Variants in PCDHGB4 observed in about 807,000 individuals in gnomAD.
PCDHGB4 encodes the protein protocadherin gamma-B4.
A neutral mutation model predicts 60.5 loss-of-function variants in PCDHGB4; 38 were observed. The observed-to-expected ratio is 0.63, with a 90% CI of 0.48 to 0.82. PCDHGB4 has a LOEUF of 0.82. Among genes scored for constraint, PCDHGB4 ranks in the 40% least tolerant of loss-of-function variants. The pLI is 0.00. For missense variants in PCDHGB4, 1,109 were observed against 1,209.6 expected, an observed-to-expected ratio of 0.92 and a Z score of 1.23; for synonymous variants, 456 against 509.7, an observed-to-expected ratio of 0.89 and a Z score of 1.42.
chr5:141,470,016 C>T (rs116065751), intron 1 of PCDHGB4, among the ~76,000 whole-genome samples: 69 of 152,264 alleles, frequency 4.5e-4, no homozygotes, highest in Non-Finnish European at 7.2e-4. Flanking sequence ...GTAATCCCAG[C>T]TACTCGGGAT....
chr5:141,491,014 G>A lies in PCDHGB4; in HGVS notation c.2398-3793G>A, dbSNP rs761902295. On this transcript the variant is annotated intron_variant, in intron 1 of 3. Transcript: ENST00000519479. This position sits in a 1 kb window ranked among gnomAD's most constrained non-coding sequence, Gnocchi z 6.9. ...TCCTCCTGGCTCCTTGGTCACCAAG[G>A]TGACAGCCGTGGATGCTGATGCAGG... 6 of 1,614,134 alleles carry A rather than the reference G, an allele frequency of 3.7e-6. No individual in the cohort carries two copies. Among genetic ancestry groups the A allele is most frequent in the Non-Finnish European group, 4.2e-6 (5 of 1,180,044 alleles).
intron 1 of PCDHGB4, chr5:141,394,779 G>A (rs1561651112): frequency 6.2e-7 from 1 of 1,613,590 alleles, no homozygotes; most frequent in Admixed American, 1.7e-5. Context: ...CCCTCTCTCC[G>A]CCACTGTCAC....
intron 1 of PCDHGB4, among the ~76,000 whole-genome samples, chr5:141,444,152 ATTTTTTTTTTTTTTT>A (rs747671382): frequency 3.8e-4 from 13 of 33,894 alleles, no homozygotes; most frequent in East Asian, 1.0e-3. Context: ...TGTGTACTGG[ATTTTTTTTTTTTTTT>A]TTTTTTTTTT....
At chr5:141,394,639 T>C (rs2150578020) in intron 1 of PCDHGB4, 2 of 1,611,968 alleles carry the variant, frequency 1.2e-6, no homozygotes, top group Middle Eastern at 1.7e-4. Flanking sequence ...TACCGCCTGC[T>C]CAAGGCCAGC....
intron 1 of PCDHGB4, chr5:141,410,848 T>TA: frequency 1.9e-5 from 7 of 365,918 alleles, no homozygotes; most frequent in Non-Finnish European, 3.2e-5. Context: ...TTTGTCTTTG[T>TA]CTTTTTTTTT....
chr5:141,449,688 T>G (rs951233495), intron 1 of PCDHGB4, among the ~76,000 whole-genome samples: 2 of 151,772 alleles, frequency 1.3e-5, no homozygotes, highest in African/African-American at 4.8e-5. Context: ...TATGTTTGTG[T>G]GTATGTACAC....
intron 1 of PCDHGB4, among the ~76,000 whole-genome samples, chr5:141,447,276 A>G (rs2098532917): frequency 6.6e-6 from 1 of 151,994 alleles, no homozygotes; most frequent in South Asian, 2.1e-4. Flanking sequence ...AGTAGCTGGG[A>G]CTACAGGCAC....
intron 1 of PCDHGB4, chr5:141,419,521 C>T (rs1418329404): frequency 1.2e-6 from 2 of 1,612,122 alleles, no homozygotes; most frequent in East Asian, 2.2e-5. Context: ...TGGTGGGCGA[C>T]CGTAACGACA....
In PCDHGB4 at chr5:141,431,326, T is replaced by G. The variant is rs1486136293; in HGVS notation, c.2397+41045T>G. 6.2e-7 allele frequency: 1 copy of G among 1,614,046 alleles called. No individual in the cohort carries two copies. Among genetic ancestry groups the G allele is most frequent in the Non-Finnish European group, 8.5e-7 (1 of 1,180,018 alleles). On this transcript the variant is annotated intron_variant, in intron 1 of 3. Transcript: ENST00000519479. This position sits in a 1 kb window ranked among gnomAD's most constrained non-coding sequence, Gnocchi z 4.8. Reference sequence around the variant, plus strand: ...TCGTGCAAAATGGAGCCGACGGTAGTAAGTACCCCGAATTGGTGCTGAAAC... The same window carrying G: ...TCGTGCAAAATGGAGCCGACGGTAGGAAGTACCCCGAATTGGTGCTGAAAC...
chr5:141,468,790 C>T (rs1215557602), intron 1 of PCDHGB4, among the ~76,000 whole-genome samples: 10 of 151,564 alleles, frequency 6.6e-5, no homozygotes, highest in African/African-American at 2.2e-4. Context: ...GGCGTGAACC[C>T]GGGAGGCGGA....
In PCDHGB4 at chr5:141,389,726, C is replaced by G. The variant is rs150721796; in HGVS notation, c.1842C>G (p.Leu614=). Residue 614 remains leucine, a synonymous_variant, in exon 1 of 4, where the codon CTC becomes CTG. Coordinates refer to ENST00000519479, the MANE Select transcript of PCDHGB4 (RefSeq NM_003736.4). ...TGCTGCAGGCTAGCGAGCCCGGGCTCTTCAGCCTGGGGCTGCGCACGGGCG... is the reference window on the plus strand; with the variant it reads ...TGCTGCAGGCTAGCGAGCCCGGGCTGTTCAGCCTGGGGCTGCGCACGGGCG... The part of the protein sequence containing the change: ...YHVLQASEPG[L]FSLGLRTGEV... 2 of 1,612,720 alleles carry G rather than the reference C, an allele frequency of 1.2e-6. No individual in the cohort carries two copies. Among genetic ancestry groups the G allele is most frequent in the Non-Finnish European group, 1.7e-6 (2 of 1,179,746 alleles).
At chr5:141,420,725 C>T (rs1468308275) in intron 1 of PCDHGB4, among the ~76,000 whole-genome samples, 1 of 152,188 alleles carries the variant, frequency 6.6e-6, no homozygotes, top group African/African-American at 2.4e-5. Flanking sequence ...TCCTTTCAGT[C>T]GGTTAAAATC....
At chr5:141,428,223 A>G in intron 1 of PCDHGB4, 1 of 1,169,680 alleles carries the variant, frequency 8.5e-7, no homozygotes. Context: ...TAGTCTTCGC[A>G]GACAGCCTGC....
Position 141,431,612 on chromosome 5 carries a change from G to T in PCDHGB4, c.2397+41331G>T, listed in dbSNP as rs79883194. 6.2e-7 allele frequency: 1 copy of T among 1,614,244 alleles called. No homozygotes were observed. The highest frequency in any genetic ancestry group is 2.2e-5 in the East Asian group (1 of 44,880). Reference sequence around the variant, plus strand: ...AGTGAGGTATTCCTTCCGGTATGTGGACGACAAGGCGGCCCAAGTTTTCAA... The same window carrying T: ...AGTGAGGTATTCCTTCCGGTATGTGTACGACAAGGCGGCCCAAGTTTTCAA... On this transcript the variant is annotated intron_variant, in intron 1 of 3. Transcript: ENST00000519479. The surrounding 1 kb of genome is among the most constrained non-coding windows in gnomAD (Gnocchi z 4.8).
At position 141,491,919 on chromosome 5, in the gene PCDHGB4, C is replaced by A. The variant is rs1177043977; in HGVS notation, c.2398-2888C>A. 1.5e-6 allele frequency: 2 copies of A among 1,361,778 alleles called. No homozygotes were observed. Among genetic ancestry groups the A allele is most frequent in the South Asian group, 1.6e-5 (1 of 64,218 alleles). 84.4% of individuals were successfully genotyped at this position (1,361,778 alleles called of 1,614,324 possible). A position where few individuals can be genotyped will look rare whatever the true frequency, so the allele number is the denominator to read the frequency against. On this transcript the variant is annotated intron_variant, in intron 1 of 3. Coordinates refer to ENST00000519479, the MANE Select transcript of PCDHGB4 (RefSeq NM_003736.4). The surrounding 1 kb of genome is among the most constrained non-coding windows in gnomAD (Gnocchi z 6.9). ...CACCGGGGGTGGTGGCGACTGTGGGCGAGGGGAGGTGGGACCGACCCCCAC... is the reference window on the plus strand; with the variant it reads ...CACCGGGGGTGGTGGCGACTGTGGGAGAGGGGAGGTGGGACCGACCCCCAC...
At chr5:141,434,427 G>A (rs2097693282) in intron 1 of PCDHGB4, among the ~76,000 whole-genome samples, 1 of 152,216 alleles carries the variant, frequency 6.6e-6, no homozygotes, top group African/African-American at 2.4e-5. Context: ...GTTCATGATG[G>A]CCGTAATGCC....
At position 141,399,193 on chromosome 5, in the gene PCDHGB4, G is replaced by A. The variant is rs138699584; in HGVS notation, c.2397+8912G>A. ...TCTACTTGAAATGATTCTGGAAAAC[G>A]CGGTGCCTGGAACACTAATTGCTTT... is the stretch of plus-strand genomic sequence containing the variant. On this transcript the variant is annotated intron_variant, in intron 1 of 3. Transcript: ENST00000519479. The A allele has an allele frequency of 4.9e-3, 7,970 of 1,613,820 alleles. 45 individuals are homozygous for A. Among genetic ancestry groups the A allele is most frequent in the Admixed American group, 9.4e-3 (567 of 60,008 alleles).
intron 1 of PCDHGB4, chr5:141,408,283 C>G (rs62378453): frequency 0.09 from 144,952 of 1,612,732 alleles, 7,152 homozygotes; most frequent in African/African-American, 0.18. Flanking sequence ...TGTTCTACCC[C>G]ACCCTGAGTG....
chr5:141,430,337 C>G (rs531455580), intron 1 of PCDHGB4, among the ~76,000 whole-genome samples: 1 of 150,908 alleles, frequency 6.6e-6, no homozygotes, highest in East Asian at 2.0e-4. Context: ...TTTATAGAAA[C>G]TTCCAATTCA....
Sources: gnomAD v4.1 joint callset for allele counts (sites outside exome capture counted in the v4.1 genomes callset) on GRCh38, gnomAD v4.1.1 for gene constraint, Gnocchi (gnomAD v3.1) non-coding constraint, MANE v1.5 for transcripts, NCBI Gene and HGNC (gene_info 2026-07-23, HGNC 2026-07-21) for gene names.